Variants in ASAP1 observed in about 807,000 individuals in gnomAD.
The protein encoded by ASAP1 is arf-GAP with SH3 domain, ANK repeat and PH domain-containing protein 1.
A neutral mutation model predicts 145.2 loss-of-function variants in ASAP1; 43 were observed. The observed-to-expected ratio is 0.30, with a 90% confidence interval of 0.23 to 0.38. ASAP1 has a LOEUF of 0.38. ASAP1 is among the 10% of genes least tolerant of loss of function. The pLI, the probability that ASAP1 is intolerant of heterozygous loss-of-function variation, is 1.00. For missense variants in ASAP1, 1,018 were observed against 1,355.3 expected (o/e 0.75, Z 3.91); for synonymous variants, 546 against 515.5 (o/e 1.06, Z -0.80).
intron 18 of ASAP1, among the ~76,000 whole-genome samples, chr8:130,122,024 C>T (rs1304439319): frequency 1.3e-5 from 2 of 152,166 alleles, no homozygotes; most frequent in East Asian, 3.9e-4. Context: ...GCCTTACTGC[C>T]CCTTGGGGCA....
At chr8:130,267,037 C>T (rs886377975) in intron 3 of ASAP1, among the ~76,000 whole-genome samples, 26 of 150,754 alleles carry the variant, frequency 1.7e-4, no homozygotes, top group Admixed American at 3.3e-4. Context: ...CCACCCACCC[C>T]CTCAAAAAAA....
At chr8:130,172,540 C>G (rs1205817466) in intron 9 of ASAP1, among the ~76,000 whole-genome samples, 2 of 151,972 alleles carry the variant, frequency 1.3e-5, no homozygotes, top group South Asian at 2.1e-4. Flanking sequence ...AATATGGTAG[C>G]CACTAGTCAC....
intron 15 of ASAP1, among the ~76,000 whole-genome samples, chr8:130,131,603 GAAAAAAAAAAAA>G (rs1159191172): frequency 1.6e-5 from 1 of 63,108 alleles, no homozygotes; most frequent in Non-Finnish European, 2.8e-5. Context: ...CATGGCTACT[GAAAAAAAAAAAA>G]AAAAAAAAAA....
intron 25 of ASAP1, chr8:130,084,862 G>GC (rs2097489326): frequency 6.6e-6 from 1 of 152,190 alleles, no homozygotes; most frequent in East Asian, 1.9e-4. Context: ...CATCTATGGA[G>GC]CTTTTTTACC....
intron 4 of ASAP1, among the ~76,000 whole-genome samples, chr8:130,236,462 T>C (rs991812823): frequency 5.3e-5 from 8 of 152,138 alleles, no homozygotes; most frequent in Admixed American, 3.9e-4. Flanking sequence ...AAGATGATAG[T>C]TCACAGGTCT....
intron 24 of ASAP1, among the ~76,000 whole-genome samples, chr8:130,107,180 CTTCTT>C (rs1005305550): frequency 2.6e-5 from 3 of 113,862 alleles, no homozygotes; most frequent in Admixed American, 9.7e-5. Context: ...CTCTCTTCTT[CTTCTT>C]TTTTTTTTTT....
chr8:130,064,227 G>C (rs2097425345), intron 27 of ASAP1, among the ~76,000 whole-genome samples: 2 of 152,206 alleles, frequency 1.3e-5, no homozygotes, highest in South Asian at 4.1e-4. Flanking sequence ...GGCTCCAACT[G>C]TCCAGACAAG....
chr8:130,156,882 A>G (rs2097659197), intron 12 of ASAP1, among the ~76,000 whole-genome samples: 1 of 152,214 alleles, frequency 6.6e-6, no homozygotes, highest in Non-Finnish European at 1.5e-5. Context: ...AAGACTGTTG[A>G]TCTTCCTTGG....
chr8:130,055,237 C>T (rs2097401110), intron 29 of ASAP1, among the ~76,000 whole-genome samples: 1 of 149,898 alleles, frequency 6.7e-6, no homozygotes, highest in Non-Finnish European at 1.5e-5. Context: ...AGCCTTTTCT[C>T]TGTTAAGTGG....
intron 2 of ASAP1, among the ~76,000 whole-genome samples, chr8:130,378,065 A>G (rs934895225): frequency 2.0e-5 from 3 of 152,180 alleles, no homozygotes; most frequent in African/African-American, 7.2e-5. Context: ...AGTGAGGTAA[A>G]AGAGCTCTGG....
chr8:130,271,668 T>G (rs904083263), intron 3 of ASAP1, among the ~76,000 whole-genome samples: 2 of 152,194 alleles, frequency 1.3e-5, no homozygotes, highest in Non-Finnish European at 2.9e-5. Context: ...AACTAAATGT[T>G]AAACTATAAA....
chr8:130,156,780 G>C (rs942142510), intron 12 of ASAP1, among the ~76,000 whole-genome samples: 3 of 152,184 alleles, frequency 2.0e-5, no homozygotes, highest in Admixed American at 2.0e-4. Flanking sequence ...AGATGAGTGA[G>C]CAGGCACCTG....
chr8:130,126,534 G>C (rs2097575248), intron 16 of ASAP1, among the ~76,000 whole-genome samples: 1 of 152,148 alleles, frequency 6.6e-6, no homozygotes, highest in Non-Finnish European at 1.5e-5. Context: ...TTAGTAATAA[G>C]ACAGCTGTAA....
At chr8:130,108,943 T>C (rs2097542232) in intron 24 of ASAP1, among the ~76,000 whole-genome samples, 5 of 151,574 alleles carry the variant, frequency 3.3e-5, no homozygotes, top group Admixed American at 2.6e-4. Flanking sequence ...GCCCGGCTCA[T>C]TTTGTATTTT....
chr8:130,056,834 A>T (rs1024773272), intron 29 of ASAP1, among the ~76,000 whole-genome samples: 1 of 152,216 alleles, frequency 6.6e-6, no homozygotes, highest in African/African-American at 2.4e-5. Flanking sequence ...CCCTGATGTC[A>T]GGAAATGATC....
chr8:130,420,129 C>A (rs1224496385), intron 1 of ASAP1, among the ~76,000 whole-genome samples: 3 of 151,712 alleles, frequency 2.0e-5, no homozygotes, highest in Non-Finnish European at 2.9e-5. Context: ...TTTATGTGGC[C>A]AAAAAGCAGG....
At chr8:130,428,454 T>C (rs76542615) in intron 1 of ASAP1, among the ~76,000 whole-genome samples, 2 of 744 alleles carry the variant, frequency 2.7e-3, no homozygotes, top group Non-Finnish European at 5.4e-3. Context: ...ACCATCATTA[T>C]CACCATCATC....
chr8:130,241,664 G>T (rs1331743045), intron 3 of ASAP1, among the ~76,000 whole-genome samples: 2 of 152,026 alleles, frequency 1.3e-5, no homozygotes, highest in South Asian at 4.2e-4. Flanking sequence ...AAGTTTAAAG[G>T]TATACATATC....
At chr8:130,146,442 T>C (rs1052127360) in intron 13 of ASAP1, among the ~76,000 whole-genome samples, 3 of 152,248 alleles carry the variant, frequency 2.0e-5, no homozygotes, top group Admixed American at 6.5e-5. Context: ...TTTAACTGGC[T>C]CCAAAGTTCG....
Sources: gnomAD v4.1 joint callset for allele counts (sites outside exome capture counted in the v4.1 genomes callset) on GRCh38, gnomAD v4.1.1 for gene constraint, MANE v1.5 for transcripts, NCBI Gene and HGNC (gene_info 2026-07-23, HGNC 2026-07-21) for gene names.